The following PCDHA6 variants were observed in gnomAD, a reference collection of about 807,000 sequenced individuals.
PCDHA6 encodes protocadherin alpha 6, also known as protocadherin alpha-6.
In PCDHA6, 55 loss-of-function variants were observed where a neutral mutation model predicts 60.3. That is an observed-to-expected ratio of 0.91 (90% CI 0.73 to 1.14). The LOEUF (loss-of-function observed/expected upper bound fraction) is 1.14, where lower values mean the gene tolerates loss of function less well. Among genes scored for constraint, PCDHA6 ranks in the 50% most tolerant of loss-of-function variants. The pLI is 0.00. For synonymous variants in PCDHA6, 652 were observed against 557.9 expected (o/e 1.17, Z -2.38); for missense variants, 1,327 against 1,256.5 (o/e 1.06, Z -0.85).
chr5:140,882,608 C>T (rs748674238), intron 1 of PCDHA6: 20 of 1,614,132 alleles, frequency 1.2e-5, no homozygotes, highest in Non-Finnish European at 1.7e-5. Flanking sequence ...GGACAGGCCT[C>T]TGCAGGTTTT....
chr5:140,898,423 C>T (rs1257208141), intron 1 of PCDHA6, among the ~76,000 whole-genome samples: 1 of 152,106 alleles, frequency 6.6e-6, no homozygotes, highest in African/African-American at 2.4e-5. Flanking sequence ...GCCAGTTTTC[C>T]CAGCACCATT....
chr5:140,876,165 C>A, intron 1 of PCDHA6: 3 of 1,613,944 alleles, frequency 1.9e-6, no homozygotes, highest in Non-Finnish European at 2.5e-6. Flanking sequence ...TTCAAATAAC[C>A]GTCCTGGATG....
rs2150225607 is a variant in PCDHA6 at position 140,834,757 on chromosome 5, A to T, written c.2394+4272A>T. 6 of 1,614,016 alleles carry T rather than the reference A, an allele frequency of 3.7e-6. No individual in the cohort carries two copies. The African/African-American group carries it at 6.7e-5, about 18-fold the overall frequency. On this transcript the variant is annotated intron_variant, in intron 1 of 3. Coordinates refer to ENST00000529310, the MANE Select transcript of PCDHA6 (RefSeq NM_018909.4). ...TTCCATGTGGACGTGGAGGTGAAGG[A>T]CATTAACGACAACCCTCCGGTGTTC...
At chr5:141,006,882 G>A (rs1442637421) in intron 3 of PCDHA6, among the ~76,000 whole-genome samples, 1 of 152,204 alleles carries the variant, frequency 6.6e-6, no homozygotes, top group Non-Finnish European at 1.5e-5. Flanking sequence ...GGAATCAAGA[G>A]TTTGATTTCA....
chr5:140,877,171 G>A (rs2056910663), intron 1 of PCDHA6: 1 of 1,613,742 alleles, frequency 6.2e-7, no homozygotes, highest in Non-Finnish European at 8.5e-7. Context: ...GGCACTGCTG[G>A]CGACTCCGGC....
intron 1 of PCDHA6, among the ~76,000 whole-genome samples, chr5:140,838,872 G>A (rs2150293178): frequency 6.6e-6 from 1 of 152,012 alleles, no homozygotes; most frequent in Non-Finnish European, 1.5e-5. Flanking sequence ...CAGTTATCAT[G>A]CCACTGAACT....
rs2150461572 is a variant in PCDHA6 at position 140,849,985 on chromosome 5, G to T, written c.2394+19500G>T. On this transcript the variant is annotated intron_variant, in intron 1 of 3. Transcript: ENST00000529310. Reference sequence around the variant, plus strand: ...CTGGTGTCCTACTCGCTGGTGGAGCGGCGGTTGGGCGAGCGCTCGCTGTCG... The same window carrying T: ...CTGGTGTCCTACTCGCTGGTGGAGCTGCGGTTGGGCGAGCGCTCGCTGTCG... 32 of 1,597,274 alleles carry T rather than the reference G, an allele frequency of 2.0e-5. No homozygotes were observed. In the East Asian group the frequency reaches 2.2e-4, roughly 11 times the overall value.
intron 1 of PCDHA6, chr5:140,836,860 A>G: frequency 1.3e-6 from 1 of 774,528 alleles, no homozygotes; most frequent in East Asian, 2.8e-5. Context: ...TTATTTTTTA[A>G]TGTTATGCTG....
intron 1 of PCDHA6, among the ~76,000 whole-genome samples, chr5:140,933,012 A>G (rs1554209160): frequency 6.6e-6 from 1 of 152,008 alleles, no homozygotes; most frequent in Middle Eastern, 3.2e-3. Flanking sequence ...CGGAAATATT[A>G]ACACTTGGCA....
intron 3 of PCDHA6, among the ~76,000 whole-genome samples, chr5:141,000,419 ATATTTTT>A (rs1397100244): frequency 3.9e-4 from 24 of 60,984 alleles, no homozygotes; most frequent in African/African-American, 1.8e-3. Flanking sequence ...ATATATATAT[ATATTTTT>A]TTTTTTTTTT....
At chr5:140,968,166 C>G (rs782037307) in intron 1 of PCDHA6, 1 of 1,614,004 alleles carries the variant, frequency 6.2e-7, no homozygotes, top group Non-Finnish European at 8.5e-7. Flanking sequence ...GACAATCCAC[C>G]AAGCTTCCTG....
chr5:140,916,612 G>A (rs1256459125), intron 1 of PCDHA6, among the ~76,000 whole-genome samples: 3 of 152,144 alleles, frequency 2.0e-5, no homozygotes, highest in African/African-American at 7.2e-5. Flanking sequence ...CGGGCCTCAT[G>A]ACTCTACTCA....
chr5:140,840,456 A>C (rs1776712177), intron 1 of PCDHA6, among the ~76,000 whole-genome samples: 1 of 151,992 alleles, frequency 6.6e-6, no homozygotes, highest in African/African-American at 2.4e-5. Flanking sequence ...ACGTTAAATA[A>C]AAAGTTGGGG....
intron 1 of PCDHA6, chr5:140,848,307 CTT>C (rs1781430296): frequency 1.4e-6 from 1 of 711,402 alleles, no homozygotes; most frequent in Non-Finnish European, 2.4e-6. Context: ...TGATGTCACT[CTT>C]TGCCGCGATG....
chr5:140,994,377 G>C (rs1260163825), intron 3 of PCDHA6, among the ~76,000 whole-genome samples: 3 of 152,098 alleles, frequency 2.0e-5, no homozygotes, highest in Non-Finnish European at 4.4e-5. Context: ...GGAAATTCAG[G>C]GGACTAAGTC....
chr5:140,928,675 T>C (rs782241604), intron 1 of PCDHA6: 1 of 1,614,210 alleles, frequency 6.2e-7, no homozygotes, highest in South Asian at 1.1e-5. Flanking sequence ...TTCTAATGCC[T>C]GGCTTTCCTA....
chr5:140,982,795 ATG>A (rs60616196), intron 3 of PCDHA6, among the ~76,000 whole-genome samples: 18 of 151,504 alleles, frequency 1.2e-4, no homozygotes, highest in African/African-American at 3.2e-4. Flanking sequence ...GCATGTGTGC[ATG>A]TGTGTGTGTG....
chr5:140,967,287 A>G (rs1458692984), intron 1 of PCDHA6: 1 of 1,612,826 alleles, frequency 6.2e-7, no homozygotes, highest in Non-Finnish European at 8.5e-7. Flanking sequence ...AGTGCGCAGG[A>G]CCCCGACGTG....
intron 3 of PCDHA6, among the ~76,000 whole-genome samples, chr5:141,003,650 A>G (rs2098132767): frequency 6.6e-6 from 1 of 152,170 alleles, no homozygotes; most frequent in Admixed American, 6.5e-5. Flanking sequence ...GAAGATCTGT[A>G]TGCATTTATT....
Sources: gnomAD v4.1 joint callset for allele counts (sites outside exome capture counted in the v4.1 genomes callset) on GRCh38, gnomAD v4.1.1 for gene constraint, MANE v1.5 for transcripts, NCBI Gene and HGNC (gene_info 2026-07-23, HGNC 2026-07-21) for gene names.